MGST1: variants seen among roughly 807,000 people sequenced by gnomAD.
MGST1 encodes glutathione S-transferase 12.
A neutral mutation model predicts 8.9 loss-of-function variants in MGST1; 5 were observed. The observed-to-expected ratio is 0.56, with a 90% CI of 0.29 to 1.19. MGST1 has a LOEUF of 1.19. Among genes scored for constraint, MGST1 ranks in the 50% most tolerant of loss-of-function variants. The pLI, the probability that MGST1 is intolerant of heterozygous loss-of-function variation, is 0.08. For synonymous variants in MGST1, 54 were observed against 67.8 expected, an observed-to-expected ratio of 0.80 and a Z score of 1.00; for missense variants, 182 against 187.4, an observed-to-expected ratio of 0.97 and a Z score of 0.17.
intron 1 of MGST1, among the ~76,000 whole-genome samples, chr12:16,425,950 A>G (rs1191576319): frequency 1.3e-5 from 2 of 151,926 alleles, no homozygotes; most frequent in Admixed American, 6.6e-5. Context: ...GTTTTTTTCC[A>G]TTCCATGTTT....
In MGST1 at chr12:16,430,702, C is replaced by A. The variant is rs2137092569; in HGVS notation, n.779-6686C>A. On this transcript the variant is annotated intron_variant and non_coding_transcript_variant, in intron 1 of 1. Transcript: ENST00000359720. ...AAAAGATGTGCTACCATTCAGCCTT[C>A]ATTGTTTCATTTATAGATCATAGAC... Among the ~76,000 whole-genome samples the A allele has an allele frequency of 2.0e-5, 3 of 152,182 alleles. No individual in the cohort carries two copies. The Middle Eastern group carries it at 0.01, about 518-fold the overall frequency.
At chr12:16,525,685 T>C (rs1406883351) in intron 4 of MGST1, among the ~76,000 whole-genome samples, 1 of 148,070 alleles carries the variant, frequency 6.8e-6, no homozygotes, top group African/African-American at 2.5e-5. Flanking sequence ...GGTCAAATGG[T>C]ATTTCTAGTT....
chr12:16,455,747 A>G (rs1565458234), intron 4 of MGST1, among the ~76,000 whole-genome samples: 2 of 151,876 alleles, frequency 1.3e-5, no homozygotes, highest in African/African-American at 2.4e-5. Flanking sequence ...CAAGAAAGTT[A>G]CATTTATAAT....
At chr12:16,399,746 T>C (rs1940637521) in intron 1 of MGST1, 1 of 1,148,722 alleles carries the variant, frequency 8.7e-7, no homozygotes. Flanking sequence ...ACTGTACTCC[T>C]TCTGTGTACT....
Position 16,542,721 on chromosome 12 carries a change from A to C in MGST1, n.483-46807A>C, listed in dbSNP as rs191167797. On this transcript the variant is annotated intron_variant and non_coding_transcript_variant, in intron 4 of 4. Coordinates refer to the MGST1 transcript ENST00000538857. Reference sequence around the variant, plus strand: ...ACCAAGCCGTCTTGACTAAACTATCAACATCCTCTCTTGTCTCTCCCCGAG... The same window carrying C: ...ACCAAGCCGTCTTGACTAAACTATCCACATCCTCTCTTGTCTCTCCCCGAG... Among the ~76,000 whole-genome samples, 268 of 152,252 alleles carry C rather than the reference A, an allele frequency of 1.8e-3. 2 individuals are homozygous for C. Among genetic ancestry groups the C allele is most frequent in the African/African-American group, 6.1e-3 (254 of 41,560 alleles).
rs942135092 is a variant in MGST1, at chr12:16,589,142, C to A, written n.483-386C>A. ...TCTAAGATCTACGAATTAGATGTAA[C>A]CTCACCCAGTTTGGAAGATTTTAGG... On this transcript the variant is annotated intron_variant and non_coding_transcript_variant, in intron 4 of 4. Transcript: ENST00000538857. The surrounding 1 kb of genome is among the most constrained non-coding windows in gnomAD (Gnocchi z 4.2). Among the ~76,000 whole-genome samples, 1 of 152,030 alleles carries A rather than the reference C, an allele frequency of 6.6e-6. No homozygotes were observed. Among genetic ancestry groups the A allele is most frequent in the East Asian group, 1.9e-4 (1 of 5,178 alleles).
intron 4 of MGST1, among the ~76,000 whole-genome samples, chr12:16,461,281 G>C (rs1162995678): frequency 6.6e-6 from 1 of 151,556 alleles, no homozygotes; most frequent in East Asian, 1.9e-4. Flanking sequence ...TTAATCCATA[G>C]ATACCCTGAA....
intron 1 of MGST1, chr12:16,402,157 C>T: frequency 6.5e-7 from 1 of 1,548,716 alleles, no homozygotes; most frequent in Non-Finnish European, 8.9e-7. Flanking sequence ...TTAGTGTTGG[C>T]AATTTGTTTC....
At chr12:16,368,838 G>A (rs777877784), downstream of MGST1, among the ~76,000 whole-genome samples, 2 of 152,104 alleles carry the variant, frequency 1.3e-5, no homozygotes, top group Non-Finnish European at 2.9e-5. Flanking sequence ...GACCATTTAA[G>A]TTATTGCCTT....
intron 4 of MGST1, among the ~76,000 whole-genome samples, chr12:16,489,287 T>C (rs1265325932): frequency 3.9e-5 from 6 of 152,152 alleles, no homozygotes; most frequent in African/African-American, 1.4e-4. Flanking sequence ...TTATGATTTC[T>C]GTTTTAAGAT....
chr12:16,453,426 T>C (rs1352664179), intron 4 of MGST1, among the ~76,000 whole-genome samples: 3 of 151,984 alleles, frequency 2.0e-5, no homozygotes, highest in Non-Finnish European at 4.4e-5. Context: ...ATCAAATGAA[T>C]ATTCTGGTAG....
At chr12:16,422,262 T>C (rs1487680842) in intron 1 of MGST1, among the ~76,000 whole-genome samples, 1 of 152,134 alleles carries the variant, frequency 6.6e-6, no homozygotes, top group Non-Finnish European at 1.5e-5. Context: ...AATCTATCCA[T>C]CTATCTATAT....
In MGST1 at chr12:16,523,047, C is replaced by T. The variant is rs552641470; in HGVS notation, n.483-66481C>T. Reference sequence around the variant, plus strand: ...TTTTTTTAGTTTGAAAGACATATGACATATTTGCAAATAGACCTGAAAACA... The same window carrying T: ...TTTTTTTAGTTTGAAAGACATATGATATATTTGCAAATAGACCTGAAAACA... On this transcript the variant is annotated intron_variant and non_coding_transcript_variant, in intron 4 of 4. Coordinates refer to the MGST1 transcript ENST00000538857. Among the ~76,000 whole-genome samples the T allele has an allele frequency of 7.3e-5, 11 of 151,540 alleles. 1 individual carries two copies. The South Asian group carries it at 2.3e-3, about 32-fold the overall frequency.
chr12:16,455,799 A>G (rs1941167419), intron 4 of MGST1, among the ~76,000 whole-genome samples: 1 of 151,842 alleles, frequency 6.6e-6, no homozygotes, highest in African/African-American at 2.4e-5. Context: ...CCTAAAGTTT[A>G]TGTTTTGCAA....
At chr12:16,414,915 T>A (rs1310466557) in intron 1 of MGST1, among the ~76,000 whole-genome samples, 1 of 152,056 alleles carries the variant, frequency 6.6e-6, no homozygotes, top group Non-Finnish European at 1.5e-5. Context: ...CCCCAGCTAC[T>A]CGGGAGGCTG....
chr12:16,469,105 G>C (rs1941274667), intron 4 of MGST1, among the ~76,000 whole-genome samples: 1 of 151,184 alleles, frequency 6.6e-6, no homozygotes, highest in East Asian at 1.9e-4. Flanking sequence ...GAGTGAGATT[G>C]CATTCTGTGA....
chr12:16,457,026 A>G (rs1392495798), intron 4 of MGST1, among the ~76,000 whole-genome samples: 2 of 152,056 alleles, frequency 1.3e-5, no homozygotes, highest in East Asian at 3.9e-4. Context: ...CACTCCGTGC[A>G]TAAAGGCATT....
At chr12:16,579,309 A>G (rs1376074260) in intron 4 of MGST1, among the ~76,000 whole-genome samples, 1 of 152,256 alleles carries the variant, frequency 6.6e-6, no homozygotes, top group Non-Finnish European at 1.5e-5. Flanking sequence ...TTATTACCAG[A>G]AAAACAATAG....
chr12:16,347,358 ACT>A (rs1467217396), upstream of MGST1, among the ~76,000 whole-genome samples: 1 of 152,122 alleles, frequency 6.6e-6, no homozygotes, highest in East Asian at 1.9e-4. The surrounding 1 kb of genome is among the most constrained non-coding windows in gnomAD (Gnocchi z 4.0). Context: ...AACTTCCAAA[ACT>A]CTGCTGATCC....
Sources: allele counts gnomAD v4.1 joint callset (sites outside exome capture counted in the v4.1 genomes callset), GRCh38; gene constraint gnomAD v4.1.1; non-coding constraint Gnocchi (gnomAD v3.1); transcripts MANE v1.5; gene names NCBI Gene and HGNC (gene_info 2026-07-23, HGNC 2026-07-21).